CACNG4: variants seen among roughly 807,000 people sequenced by gnomAD.
The protein encoded by CACNG4 is voltage-dependent calcium channel gamma-4 subunit.
A neutral mutation model predicts 22.9 loss-of-function variants in CACNG4; 8 were observed. The ratio of observed to expected loss-of-function variants is 0.35; its 90% CI spans 0.21 to 0.63. CACNG4 has a LOEUF of 0.63. Among genes scored for constraint, CACNG4 ranks in the 30% least tolerant of loss-of-function variants. The pLI is 0.72. For synonymous variants in CACNG4, 188 were observed against 191.9 expected (o/e 0.98, Z 0.17); for missense variants, 357 against 455.4 (o/e 0.78, Z 1.97).
At chr17:67,023,298 CAG>C (rs1207785443) in intron 2 of CACNG4, among the ~76,000 whole-genome samples, 1 of 98,900 alleles carries the variant, frequency 1.0e-5, no homozygotes, top group African/African-American at 3.8e-5. Context: ...TTTTTTGAGA[CAG>C]AGTCTCGCTC....
At chr17:66,966,385 C>T (rs1302407831) in intron 1 of CACNG4, among the ~76,000 whole-genome samples, 1 of 152,240 alleles carries the variant, frequency 6.6e-6, no homozygotes, top group Admixed American at 6.5e-5. Flanking sequence ...AACCTTTCCC[C>T]GCGTGTTAAC....
At chr17:66,978,375 G>A (rs1170960713) in intron 1 of CACNG4, among the ~76,000 whole-genome samples, 2 of 152,140 alleles carry the variant, frequency 1.3e-5, no homozygotes, top group African/African-American at 4.8e-5. Flanking sequence ...AAAAATACGT[G>A]GTACATGGGG....
At chr17:67,014,348 A>G (rs1015240853) in intron 1 of CACNG4, among the ~76,000 whole-genome samples, 3 of 152,224 alleles carry the variant, frequency 2.0e-5, no homozygotes, top group Non-Finnish European at 4.4e-5. Flanking sequence ...ATTAAATTTG[A>G]CAGGGATAAA....
At chr17:66,976,587 C>A (rs1419009512) in intron 1 of CACNG4, among the ~76,000 whole-genome samples, 1 of 151,194 alleles carries the variant, frequency 6.6e-6, no homozygotes, top group African/African-American at 2.4e-5. Context: ...TCTTCCATTC[C>A]TCCTTTCTCC....
intron 1 of CACNG4, among the ~76,000 whole-genome samples, chr17:66,979,650 C>T (rs780479100): frequency 1.1e-4 from 16 of 151,634 alleles, no homozygotes; most frequent in Non-Finnish European, 2.1e-4. Context: ...AATATAAACC[C>T]GATATTTAGA....
chr17:66,969,692 G>A (rs995450334), intron 1 of CACNG4, among the ~76,000 whole-genome samples: 6 of 152,088 alleles, frequency 3.9e-5, no homozygotes, highest in African/African-American at 1.2e-4. Flanking sequence ...CAGCTGCCCC[G>A]AGCCCCGCCC....
At chr17:67,008,336 C>A (rs1239567601) in intron 1 of CACNG4, among the ~76,000 whole-genome samples, 1 of 152,094 alleles carries the variant, frequency 6.6e-6, no homozygotes, top group South Asian at 2.1e-4. Flanking sequence ...GAGGCCAGCC[C>A]GTAGGAGACC....
At chr17:67,016,995 CCT>C (rs2035502378) in intron 1 of CACNG4, among the ~76,000 whole-genome samples, 1 of 152,096 alleles carries the variant, frequency 6.6e-6, no homozygotes, top group South Asian at 2.1e-4. Context: ...CTTGCTCCAT[CCT>C]CTCTTCCCTC....
chr17:66,965,198 G>A (rs1182961271), intron 1 of CACNG4, 67 bp downstream of exon 1: 7,411 of 555,908 alleles, frequency 0.013, 68 homozygotes, highest in Non-Finnish European at 0.016. Context: ...ATACACACGC[G>A]CGCGCGCGCG....
At chr17:66,990,969 C>T (rs1282596338) in intron 1 of CACNG4, among the ~76,000 whole-genome samples, 5 of 152,122 alleles carry the variant, frequency 3.3e-5, no homozygotes, top group African/African-American at 9.7e-5. Flanking sequence ...AGTAAGCCAC[C>T]GCGCCCGGCC....
intron 1 of CACNG4, among the ~76,000 whole-genome samples, chr17:66,993,810 G>A (rs1429882597): frequency 1.3e-5 from 2 of 151,976 alleles, no homozygotes; most frequent in African/African-American, 2.4e-5. Context: ...TTCACCAGAC[G>A]GCGTTTCATC....
intron 1 of CACNG4, among the ~76,000 whole-genome samples, chr17:66,988,668 G>A (rs548448472): frequency 2.6e-5 from 4 of 152,152 alleles, no homozygotes; most frequent in East Asian, 3.9e-4. Flanking sequence ...GATATGGGAC[G>A]TCAGAGGGGT....
At chr17:67,011,170 C>T (rs1345513275) in intron 1 of CACNG4, among the ~76,000 whole-genome samples, 1 of 152,186 alleles carries the variant, frequency 6.6e-6, no homozygotes, top group East Asian at 1.9e-4. Flanking sequence ...TGGTCTTCAC[C>T]CTCACCGCCT....
chr17:66,977,819 A>G (rs1456002206), intron 1 of CACNG4, among the ~76,000 whole-genome samples: 6 of 152,194 alleles, frequency 3.9e-5, no homozygotes, highest in Admixed American at 6.5e-5. Context: ...GCCTGGCTTC[A>G]GGCCGGGCAT....
At chr17:66,979,752 T>C (rs2035260247) in intron 1 of CACNG4, among the ~76,000 whole-genome samples, 1 of 143,108 alleles carries the variant, frequency 7.0e-6, no homozygotes. Flanking sequence ...ATGCTTTTTT[T>C]TTTTTTTTTT....
chr17:66,978,372 C>T (rs1355768309), intron 1 of CACNG4, among the ~76,000 whole-genome samples: 3 of 152,146 alleles, frequency 2.0e-5, no homozygotes, highest in African/African-American at 2.4e-5. Context: ...CCAAAAAATA[C>T]GTGGTACATG....
chr17:67,024,053 C>T (rs753285495), intron 2 of CACNG4, among the ~76,000 whole-genome samples: 13 of 152,138 alleles, frequency 8.5e-5, no homozygotes, highest in Admixed American at 2.0e-4. Flanking sequence ...AGTGGCAGAG[C>T]GAGGTTAGTC....
intron 1 of CACNG4, among the ~76,000 whole-genome samples, chr17:66,992,162 G>C (rs879731623): frequency 7.2e-3 from 221 of 30,720 alleles, no homozygotes; most frequent in African/African-American, 0.07. Context: ...CAAGCTCCTG[G>C]GGGGGGGGGG....
chr17:67,020,965 A>G (rs2035528012), intron 2 of CACNG4, among the ~76,000 whole-genome samples: 1 of 152,232 alleles, frequency 6.6e-6, no homozygotes, highest in African/African-American at 2.4e-5. Context: ...GCACTTTGAG[A>G]GGCCAAGGCG....
Sources: allele counts gnomAD v4.1 joint callset (sites outside exome capture counted in the v4.1 genomes callset), GRCh38; gene constraint gnomAD v4.1.1; transcripts MANE v1.5; gene names NCBI Gene and HGNC (gene_info 2026-07-23, HGNC 2026-07-21).